SOCS5: variants seen among roughly 807,000 people sequenced by gnomAD.
SOCS5 encodes the protein suppressor of cytokine signaling 5.
A neutral mutation model predicts 42.8 loss-of-function variants in SOCS5; 32 were observed. The ratio of observed to expected loss-of-function variants is 0.75; its 90% CI spans 0.56 to 1.01. SOCS5 has a LOEUF of 1.01. Ranked by LOEUF, SOCS5 falls within the 50% of genes least tolerant of loss-of-function variation. The probability of loss-of-function intolerance (pLI) is 0.00; values close to 1 mark genes in which losing one functional copy is unlikely to be tolerated. For missense variants in SOCS5, 627 were observed against 653.0 expected, an observed-to-expected ratio of 0.96 and a Z score of 0.43; for synonymous variants, 283 against 229.6, an observed-to-expected ratio of 1.23 and a Z score of -2.10.
intron 1 of SOCS5, among the ~76,000 whole-genome samples, 180 bp from the exon 2 acceptor site, chr2:46,758,339 G>A (rs763995745): frequency 1.7e-4 from 26 of 152,186 alleles, no homozygotes; most frequent in East Asian, 1.5e-3. Context: ...TAAAAGGCCC[G>A]GTGGCCTTCC....
At chr2:46,754,159 C>T (rs1242531836) in intron 1 of SOCS5, among the ~76,000 whole-genome samples, 1 of 152,060 alleles carries the variant, frequency 6.6e-6, no homozygotes, top group African/African-American at 2.4e-5. Context: ...AGAGCCAAGG[C>T]CTTTTCTTTC....
At chr2:46,757,475 G>T (rs977970083) in intron 1 of SOCS5, among the ~76,000 whole-genome samples, 3 of 152,018 alleles carry the variant, frequency 2.0e-5, no homozygotes, top group South Asian at 4.2e-4. Flanking sequence ...TATGTTTTTG[G>T]TTTTTGTTTT....
chr2:46,746,595 G>A (rs2103749009), intron 1 of SOCS5, among the ~76,000 whole-genome samples: 1 of 151,298 alleles, frequency 6.6e-6, no homozygotes, highest in Non-Finnish European at 1.5e-5. Context: ...AGGTTGCAGT[G>A]AGCCGAGATT....
At chr2:46,708,260 C>G (rs1318040408) in intron 1 of SOCS5, among the ~76,000 whole-genome samples, 1 of 152,108 alleles carries the variant, frequency 6.6e-6, no homozygotes, top group Admixed American at 6.5e-5. Flanking sequence ...TTTGAGTCCT[C>G]CAGATTTTGT....
chr2:46,748,303 A>G (rs189613726), intron 1 of SOCS5, among the ~76,000 whole-genome samples: 288 of 150,640 alleles, frequency 1.9e-3, no homozygotes, highest in South Asian at 0.019. Context: ...CTCCCACCTC[A>G]GCCTCATGAG....
At position 46,726,738 on chromosome 2, in the gene SOCS5, A is replaced by AATTATT. The variant is rs111456718; in HGVS notation, c.-13+27317_-13+27322dup. On this transcript the variant is annotated intron_variant, in intron 1 of 1. Coordinates refer to ENST00000394861, the MANE Select transcript of SOCS5 (RefSeq NM_144949.3). ...TCAGTTACAGTATTTTTCAGTTCTA[A>AATTATT]ATTATTATTATTATTATTATTATTA... is the stretch of plus-strand genomic sequence containing the variant. Among the ~76,000 whole-genome samples, 762 of 145,466 alleles carry AATTATT rather than the reference A, an allele frequency of 5.2e-3. 2 individuals carry two copies. Among genetic ancestry groups the AATTATT allele is most frequent in the Middle Eastern group, 7.2e-3 (2 of 278 alleles).
At chr2:46,711,764 A>G (rs922777923) in intron 1 of SOCS5, among the ~76,000 whole-genome samples, 6 of 152,142 alleles carry the variant, frequency 3.9e-5, no homozygotes, top group African/African-American at 1.4e-4. Context: ...TATTGAGGTG[A>G]TAATTTTGTG....
intron 1 of SOCS5, among the ~76,000 whole-genome samples, chr2:46,729,671 G>C (rs7580649): frequency 0.74 from 112,262 of 152,130 alleles, 41,932 homozygotes; most frequent in African/African-American, 0.83. Context: ...GGAAGTTGCC[G>C]TGGGTGAGTG....
rs1673787439 is a variant in SOCS5, at chr2:46,758,826, A to T, written c.296A>T (p.Asp99Val). 6.2e-7 allele frequency: 1 copy of T among 1,614,092 alleles called. No homozygotes were observed. Among genetic ancestry groups the T allele is most frequent in the African/African-American group, 1.3e-5 (1 of 74,954 alleles). Residue 99 changes from aspartate (D) to valine (V), a missense_variant, in exon 2 of 2, where the codon GAT (aspartate) becomes GTT (valine). Physicochemically the swap from Asp to Val is radical, Grantham distance 152 (BLOSUM62 -3). This residue lies in a region of SOCS5 where 278 missense variants were observed against 246.3 expected (regional missense o/e 1.13). Coordinates refer to ENST00000394861, the MANE Select transcript of SOCS5 (RefSeq NM_144949.3). ...GAAATAAGCATCGAAAAGGATAATG[A>T]TTCTTGTGTTACCCCAGGAACAAGA... ...IVEISIEKDNDSCVTPGTRLA... is the reference protein window; with the variant it reads ...IVEISIEKDNVSCVTPGTRLA...
intron 1 of SOCS5, among the ~76,000 whole-genome samples, chr2:46,743,280 T>C (rs1488778404): frequency 1.3e-5 from 2 of 152,116 alleles, no homozygotes; most frequent in Non-Finnish European, 1.5e-5. Flanking sequence ...AGTTTATTAA[T>C]AAGTTAAAGG....
intron 1 of SOCS5, among the ~76,000 whole-genome samples, chr2:46,716,448 A>G (rs184585596): frequency 2.3e-5 from 2 of 85,824 alleles, no homozygotes; most frequent in Non-Finnish European, 2.2e-5. Context: ...CAGTTTATTT[A>G]TGGATCAACT....
intron 1 of SOCS5, among the ~76,000 whole-genome samples, chr2:46,719,492 G>A (rs1672830982): frequency 6.6e-6 from 1 of 152,148 alleles, no homozygotes; most frequent in South Asian, 2.1e-4. Flanking sequence ...TTTTAAAGAA[G>A]TTTTGATCTT....
At chr2:46,699,149 C>T (rs907688724), upstream of SOCS5, 31 of 153,764 alleles carry the variant, frequency 2.0e-4, no homozygotes, top group Non-Finnish European at 3.2e-4. The surrounding 1 kb of genome is among the most constrained non-coding windows in gnomAD (Gnocchi z 4.8). Context: ...CCTGCCCGCC[C>T]CCCGCCCCCC....
chr2:46,700,535 T>C (rs1672317423), intron 1 of SOCS5, among the ~76,000 whole-genome samples: 1 of 152,242 alleles, frequency 6.6e-6, no homozygotes, highest in South Asian at 2.1e-4. Context: ...TTCGTTTCTC[T>C]ACAAGATGAT....
rs535601549 is a variant in SOCS5 at position 46,749,248 on chromosome 2, C to T, written c.-12-9271C>T. On this transcript the variant is annotated intron_variant, in intron 1 of 1. Transcript: ENST00000394861. Reference sequence around the variant, plus strand: ...TAATCTCTCCCTAGTCATAAAACAGCCTTACTTTTTGTTACTGTCACTAAC... The same window carrying T: ...TAATCTCTCCCTAGTCATAAAACAGTCTTACTTTTTGTTACTGTCACTAAC... Among the ~76,000 whole-genome samples the T allele has an allele frequency of 2.6e-5, 4 of 152,256 alleles. No homozygotes were observed. The South Asian group carries it at 8.3e-4, about 32-fold the overall frequency.
intron 1 of SOCS5, among the ~76,000 whole-genome samples, chr2:46,723,425 A>G (rs954634649): frequency 6.6e-6 from 1 of 152,068 alleles, no homozygotes; most frequent in Non-Finnish European, 1.5e-5. Context: ...TCTACAAAAC[A>G]TTAGATCTGT....
At chr2:46,745,652 C>G (rs1673479829) in intron 1 of SOCS5, among the ~76,000 whole-genome samples, 1 of 152,126 alleles carries the variant, frequency 6.6e-6, no homozygotes, top group African/African-American at 2.4e-5. Flanking sequence ...TTGAGGTTAG[C>G]TAATTGAGTT....
chr2:46,745,235 T>C (rs1673472378), intron 1 of SOCS5, among the ~76,000 whole-genome samples: 1 of 152,208 alleles, frequency 6.6e-6, no homozygotes. Flanking sequence ...TAAACCTGCT[T>C]TTCTTTATCT....
chr2:46,749,413 C>G (rs1041850706), intron 1 of SOCS5, among the ~76,000 whole-genome samples: 2 of 152,114 alleles, frequency 1.3e-5, no homozygotes, highest in Non-Finnish European at 2.9e-5. Flanking sequence ...CTAGTGGGAG[C>G]TTGAATTTGA....
Sources: gnomAD v4.1 joint callset for allele counts (sites outside exome capture counted in the v4.1 genomes callset) on GRCh38, gnomAD v4.1.1 for gene constraint, gnomAD v4.1.1 regional missense constraint, Gnocchi (gnomAD v3.1) non-coding constraint, MANE v1.5 for transcripts, NCBI Gene and HGNC (gene_info 2026-07-23, HGNC 2026-07-21) for gene names.